The following PRKN variants were observed in gnomAD, a reference collection of about 807,000 sequenced individuals.
PRKN encodes the protein parkin RBR E3 ubiquitin protein ligase.
Under a neutral mutation model 59.5 loss-of-function variants are expected in PRKN, and 56 were observed. The observed-to-expected ratio is 0.94, with a 90% CI of 0.76 to 1.18. The LOEUF is 1.18. Ranked by LOEUF, PRKN falls within the 50% of genes most tolerant of loss-of-function variation. The probability of loss-of-function intolerance (pLI) is 0.00; values close to 1 mark genes in which losing one functional copy is unlikely to be tolerated. For synonymous variants in PRKN, 250 were observed against 222.1 expected, an observed-to-expected ratio of 1.13 and a Z score of -1.12; for missense variants, 657 against 596.4, an observed-to-expected ratio of 1.10 and a Z score of -1.06.
intron 1 of PRKN, among the ~76,000 whole-genome samples, chr6:162,653,277 CAA>C (rs1050754107): frequency 5.3e-5 from 8 of 152,138 alleles, no homozygotes; most frequent in African/African-American, 1.4e-4. Flanking sequence ...GCAAATATGT[CAA>C]GACATGAAGA....
At chr6:162,347,808 C>CT (rs1784467109) in intron 2 of PRKN, among the ~76,000 whole-genome samples, 1 of 152,094 alleles carries the variant, frequency 6.6e-6, no homozygotes. Context: ...AATTATTTTA[C>CT]TTGAAACAAT....
At chr6:161,953,018 C>T (rs1780045380) in intron 6 of PRKN, among the ~76,000 whole-genome samples, 1 of 152,144 alleles carries the variant, frequency 6.6e-6, no homozygotes, top group East Asian at 1.9e-4. Context: ...ATTGACTACA[C>T]ACAAATGTAA....
intron 7 of PRKN, among the ~76,000 whole-genome samples, chr6:161,587,837 A>G (rs967073208): frequency 3.9e-5 from 6 of 152,118 alleles, no homozygotes; most frequent in Non-Finnish European, 7.4e-5. Context: ...AACTCACTGT[A>G]TCTAATATAT....
At chr6:161,505,958 G>A (rs1385698520) in intron 9 of PRKN, among the ~76,000 whole-genome samples, 207 of 151,816 alleles carry the variant, frequency 1.4e-3, no homozygotes, top group Non-Finnish European at 2.3e-3. Context: ...GTCAGGCAGC[G>A]TGATGCCTCC....
At position 161,429,903 on chromosome 6, in the gene PRKN, T is replaced by C. The variant is rs1286222009; in HGVS notation, c.1084-43026A>G. Among the ~76,000 whole-genome samples the C allele has an allele frequency of 6.6e-6, 1 of 152,188 alleles. No homozygotes were observed. The highest frequency in any genetic ancestry group is 1.9e-4 in the East Asian group (1 of 5,190). On this transcript the variant is annotated intron_variant, in intron 9 of 11. Transcript: ENST00000366898. This position sits in a 1 kb window ranked among gnomAD's most constrained non-coding sequence, Gnocchi z 4.2. ...TTTGCAAGCTAACAAGTTAGTCTGC[T>C]CAGTTTTACGGAGGCCAGGAGAAGA...
intron 9 of PRKN, among the ~76,000 whole-genome samples, chr6:161,494,234 G>A (rs552781584): frequency 1.3e-5 from 2 of 152,242 alleles, no homozygotes; most frequent in East Asian, 1.9e-4. Context: ...TGAAAATACC[G>A]TATCATCAGG....
At chr6:161,770,469 T>C (rs993774364) in intron 7 of PRKN, among the ~76,000 whole-genome samples, 1 of 151,964 alleles carries the variant, frequency 6.6e-6, no homozygotes, top group African/African-American at 2.4e-5. Context: ...TATTTATTTA[T>C]TTATTTATTC....
intron 4 of PRKN, among the ~76,000 whole-genome samples, chr6:162,195,111 T>C (rs1297335076): frequency 6.6e-6 from 1 of 152,196 alleles, no homozygotes; most frequent in Non-Finnish European, 1.5e-5. Context: ...TCGCTGTAGA[T>C]TTAACACTGT....
chr6:161,988,576 G>T (rs563072714), intron 5 of PRKN, among the ~76,000 whole-genome samples: 1 of 151,710 alleles, frequency 6.6e-6, no homozygotes. Context: ...GTTTCAATCA[G>T]GTTTAAACAT....
At chr6:161,873,172 A>G (rs1794414370) in intron 6 of PRKN, among the ~76,000 whole-genome samples, 1 of 151,840 alleles carries the variant, frequency 6.6e-6, no homozygotes, top group Non-Finnish European at 1.5e-5. Flanking sequence ...AGTTGCAGTC[A>G]GTGTGTGTCT....
At chr6:162,351,359 T>C (rs1282962748) in intron 2 of PRKN, among the ~76,000 whole-genome samples, 1 of 152,102 alleles carries the variant, frequency 6.6e-6, no homozygotes, top group African/African-American at 2.4e-5. Context: ...ATTAGGAAAA[T>C]GCAAATTAAG....
intron 6 of PRKN, among the ~76,000 whole-genome samples, chr6:161,888,622 G>C (rs1795236183): frequency 6.6e-6 from 1 of 152,268 alleles, no homozygotes; most frequent in Admixed American, 6.5e-5. Context: ...CACACATTGT[G>C]ACAGTTGAGA....
At chr6:161,637,769 C>T (rs1783582036) in intron 7 of PRKN, among the ~76,000 whole-genome samples, 1 of 151,760 alleles carries the variant, frequency 6.6e-6, no homozygotes, top group Non-Finnish European at 1.5e-5. Flanking sequence ...TGGATTGGCC[C>T]CAATTCTGTT....
At chr6:161,903,619 G>A (rs1778018502) in intron 6 of PRKN, among the ~76,000 whole-genome samples, 1 of 151,966 alleles carries the variant, frequency 6.6e-6, no homozygotes, top group Non-Finnish European at 1.5e-5. Flanking sequence ...CAGAGGACAT[G>A]AGCTCATATT....
chr6:162,633,352 T>C (rs1777586297), intron 1 of PRKN, among the ~76,000 whole-genome samples: 1 of 139,032 alleles, frequency 7.2e-6, no homozygotes, highest in Non-Finnish European at 1.5e-5. Context: ...GGAGAATCAG[T>C]TGAATCCAGG....
At chr6:162,427,644 G>GTTT (rs1219394770) in intron 2 of PRKN, among the ~76,000 whole-genome samples, 12 of 144,200 alleles carry the variant, frequency 8.3e-5, no homozygotes, top group Admixed American at 1.4e-4. Context: ...GTAAATAAAT[G>GTTT]TTTTTTTTTC....
chr6:162,649,605 TA>T (rs1365806062), intron 1 of PRKN, among the ~76,000 whole-genome samples: 1 of 151,658 alleles, frequency 6.6e-6, no homozygotes, highest in Admixed American at 6.6e-5. Flanking sequence ...TTACACATTA[TA>T]AAAAGTATTA....
chr6:162,087,925 T>C (rs1460075931), intron 4 of PRKN, among the ~76,000 whole-genome samples: 1 of 151,910 alleles, frequency 6.6e-6, no homozygotes, highest in Non-Finnish European at 1.5e-5. Context: ...GCAAATAGAG[T>C]ATGCACAGCG....
At chr6:161,543,971 G>A (rs1418587523) in intron 9 of PRKN, among the ~76,000 whole-genome samples, 1 of 152,136 alleles carries the variant, frequency 6.6e-6, no homozygotes, top group Non-Finnish European at 1.5e-5. Context: ...AAAGAATAAT[G>A]CATAACATGA....
Sources: gnomAD v4.1 joint callset for allele counts (sites outside exome capture counted in the v4.1 genomes callset) on GRCh38, gnomAD v4.1.1 for gene constraint, Gnocchi (gnomAD v3.1) non-coding constraint, MANE v1.5 for transcripts, NCBI Gene and HGNC (gene_info 2026-07-23, HGNC 2026-07-21) for gene names.